MYO10: variants seen among roughly 807,000 people sequenced by gnomAD.
The protein encoded by MYO10 is unconventional myosin-X.
MYO10 carries 133 observed loss-of-function variants against 257.3 expected under a neutral mutation model. That is an observed-to-expected ratio of 0.52 (90% CI 0.45 to 0.60). The LOEUF is 0.60. Ranked by LOEUF, MYO10 falls within the 20% of genes least tolerant of loss-of-function variation. The pLI is 0.00. For missense variants in MYO10, 2,399 were observed against 2,635.7 expected (o/e 0.91, Z 1.97); for synonymous variants, 1,104 against 1,028.6 (o/e 1.07, Z -1.40).
chr5:16,849,374 A>G (rs1399359776), intron 2 of MYO10, among the ~76,000 whole-genome samples: 1 of 151,930 alleles, frequency 6.6e-6, no homozygotes, highest in African/African-American at 2.4e-5. Flanking sequence ...GTCAGTTATG[A>G]GTAAATGTTT....
chr5:16,685,519 C>T (rs1737209470), intron 29 of MYO10, among the ~76,000 whole-genome samples: 1 of 152,052 alleles, frequency 6.6e-6, no homozygotes, highest in Non-Finnish European at 1.5e-5. Flanking sequence ...ACTTAATTTA[C>T]TGTATTTATT....
At chr5:16,781,206 A>G (rs113438880) in intron 6 of MYO10, among the ~76,000 whole-genome samples, 144 of 151,906 alleles carry the variant, frequency 9.5e-4, no homozygotes, top group African/African-American at 3.3e-3. Flanking sequence ...CAGCCTCCCA[A>G]GTAGCTGGGA....
rs1736080568 is a variant in MYO10, at chr5:16,664,428, C to CACA, written c.*2261_*2263dup. 2 of 152,196 alleles carry CACA rather than the reference C, an allele frequency of 1.3e-5. No homozygotes were observed. Among genetic ancestry groups the CACA allele is most frequent in the South Asian group, 4.1e-4 (2 of 4,832 alleles). 9.4% of individuals were successfully genotyped at this position (152,196 alleles called of 1,614,324 possible). On this transcript the variant is annotated 3_prime_UTR_variant, in exon 41 of 41. Transcript: ENST00000513610. The stretch of plus-strand genomic sequence containing the variant: ...GCCTAAAATAAAAACAAAGACAACA[C>CACA]ACATCCAAGTCTTTGCCGGCTTTCC...
At chr5:16,839,198 A>C (rs1469485248) in intron 2 of MYO10, among the ~76,000 whole-genome samples, 1 of 152,198 alleles carries the variant, frequency 6.6e-6, no homozygotes, top group East Asian at 1.9e-4. Flanking sequence ...GCCAGGCAAA[A>C]TACATTGAAA....
chr5:16,855,032 C>CAAA (rs561731686), intron 2 of MYO10, among the ~76,000 whole-genome samples: 2 of 142,018 alleles, frequency 1.4e-5, no homozygotes, highest in African/African-American at 2.6e-5. Flanking sequence ...GACTCCATCT[C>CAAA]AAAAAAAAAA....
intron 1 of MYO10, among the ~76,000 whole-genome samples, chr5:16,908,061 T>C (rs1242281785): frequency 6.6e-6 from 1 of 151,532 alleles, no homozygotes; most frequent in Non-Finnish European, 1.5e-5. Context: ...GGCAAAACCC[T>C]GTCTCTACTA....
chr5:16,674,786 G>C, intron 35 of MYO10, 67 bp downstream of exon 35: 2 of 1,554,880 alleles, frequency 1.3e-6, no homozygotes, highest in East Asian at 4.5e-5. Flanking sequence ...TTATCTGAAC[G>C]AGGACCCAGT....
intron 1 of MYO10, among the ~76,000 whole-genome samples, chr5:16,898,108 A>G (rs1745264731): frequency 6.6e-6 from 1 of 152,122 alleles, no homozygotes; most frequent in Admixed American, 6.6e-5. Context: ...CTACTTGGGG[A>G]AAAGCAGCGA....
chr5:16,671,634 G>T, intron 37 of MYO10, 92 bp from the exon 38 acceptor site: 1 of 1,478,084 alleles, frequency 6.8e-7, no homozygotes. Flanking sequence ...GTATTCTAAG[G>T]ACACAGACAT....
At chr5:16,667,648 A>C (rs961980772) in intron 40 of MYO10, among the ~76,000 whole-genome samples, 1 of 151,434 alleles carries the variant, frequency 6.6e-6, no homozygotes, top group Non-Finnish European at 1.5e-5. Context: ...ACATCCTCCA[A>C]GCAGCTGGAA....
intron 2 of MYO10, among the ~76,000 whole-genome samples, chr5:16,867,641 C>T (rs1399661279): frequency 6.6e-6 from 1 of 152,078 alleles, no homozygotes; most frequent in African/African-American, 2.4e-5. Context: ...AGAGTCAAAC[C>T]AAAAAGTCAG....
chr5:16,840,718 T>C (rs1743453230), intron 2 of MYO10, among the ~76,000 whole-genome samples: 3 of 151,342 alleles, frequency 2.0e-5, no homozygotes, highest in African/African-American at 7.3e-5. Context: ...TGTTGTGCAA[T>C]ATGCACAACA....
chr5:16,684,951 G>A (rs1234897541), intron 29 of MYO10, among the ~76,000 whole-genome samples: 1 of 152,078 alleles, frequency 6.6e-6, no homozygotes. Context: ...GGAGGCTGAG[G>A]CAGGAGAATT....
intron 3 of MYO10, among the ~76,000 whole-genome samples, chr5:16,808,893 AACT>A (rs1342486626): frequency 6.6e-6 from 1 of 151,912 alleles, no homozygotes; most frequent in East Asian, 1.9e-4. Flanking sequence ...GCTGGTCTCA[AACT>A]CCTGACCTTG....
chr5:16,919,073 G>T (rs1349669044), intron 1 of MYO10, among the ~76,000 whole-genome samples: 3 of 151,986 alleles, frequency 2.0e-5, no homozygotes, highest in African/African-American at 7.2e-5. Context: ...CTATTCTTCC[G>T]ACTTCAAAAG....
intron 35 of MYO10, 87 bp from the exon 36 acceptor site, chr5:16,673,976 C>A: frequency 2.5e-6 from 3 of 1,198,562 alleles, no homozygotes; most frequent in Non-Finnish European, 3.6e-6. Context: ...TTCTGTAGAC[C>A]AAAGCAGTGA....
At chr5:16,732,962 C>A (rs1739645886) in intron 19 of MYO10, among the ~76,000 whole-genome samples, 1 of 152,134 alleles carries the variant, frequency 6.6e-6, no homozygotes, top group African/African-American at 2.4e-5. Flanking sequence ...GGCAAAACCC[C>A]ATCTCTACTA....
rs553350193 is a variant in MYO10, at chr5:16,836,299, A to C, written c.121-18132T>G. On this transcript the variant is annotated intron_variant, in intron 2 of 40. Transcript: ENST00000513610. ...CTCTTACACTCTTTCAGTAGATAAC[A>C]AATGGTCACTATTCATATGAGAGAA... Among the ~76,000 whole-genome samples, 4 of 152,380 alleles carry C rather than the reference A, an allele frequency of 2.6e-5. No homozygotes were observed. In the East Asian group the frequency reaches 5.8e-4, roughly 22 times the overall value.
chr5:16,790,002 C>G (rs1431524787), intron 4 of MYO10, among the ~76,000 whole-genome samples: 1 of 151,978 alleles, frequency 6.6e-6, no homozygotes, highest in Non-Finnish European at 1.5e-5. Context: ...GTTTCCCACT[C>G]CACCTCTTTC....
Sources: allele counts gnomAD v4.1 joint callset (sites outside exome capture counted in the v4.1 genomes callset), GRCh38; gene constraint gnomAD v4.1.1; transcripts MANE v1.5; gene names NCBI Gene and HGNC (gene_info 2026-07-23, HGNC 2026-07-21).